The following CACNA2D2 variants were observed in gnomAD, a reference collection of about 807,000 sequenced individuals.
CACNA2D2 encodes calcium voltage-gated channel auxiliary subunit alpha2delta 2.
A neutral mutation model predicts 166.4 loss-of-function variants in CACNA2D2; 48 were observed. That is an observed-to-expected ratio of 0.29 (90% confidence interval 0.23 to 0.37). CACNA2D2 has a LOEUF of 0.37. Among genes scored for constraint, CACNA2D2 ranks in the 10% least tolerant of loss-of-function variants. CACNA2D2 has a pLI of 1.00. For synonymous variants in CACNA2D2, 561 were observed against 573.7 expected (o/e 0.98, Z 0.32); for missense variants, 1,122 against 1,433.0 (o/e 0.78, Z 3.50).
rs59167171 is a variant in CACNA2D2, at chr3:50,446,905, G to C, written c.289-12476C>G. Reference sequence around the variant, plus strand: ...GAAACCATCTTCGTTTGTAAGGTTGGAAGTCTAGGACCCTAGGCTACAGGT... The same window carrying C: ...GAAACCATCTTCGTTTGTAAGGTTGCAAGTCTAGGACCCTAGGCTACAGGT... On this transcript the variant is annotated intron_variant, in intron 2 of 37. Coordinates refer to ENST00000424201, the MANE Select transcript of CACNA2D2 (RefSeq NM_006030.4). 6.2e-3 allele frequency among the ~76,000 whole-genome samples: 943 copies of C among 152,288 alleles called. 12 individuals carry two copies. Among genetic ancestry groups the C allele is most frequent in the East Asian group, 0.049 (255 of 5,180 alleles).
chr3:50,497,060 G>C (rs563567921), intron 1 of CACNA2D2, among the ~76,000 whole-genome samples: 1 of 152,290 alleles, frequency 6.6e-6, no homozygotes, highest in South Asian at 2.1e-4. Context: ...AGGCTGATCA[G>C]AACTCAAAGG....
At chr3:50,430,353 T>C (rs554700608) in intron 3 of CACNA2D2, among the ~76,000 whole-genome samples, 2 of 152,328 alleles carry the variant, frequency 1.3e-5, no homozygotes, top group South Asian at 4.1e-4. Context: ...GCCTCTCCTC[T>C]GAGCCACACA....
chr3:50,387,522 C>G (rs1438885671), intron 5 of CACNA2D2, 46 bp downstream of exon 5: 7 of 1,561,116 alleles, frequency 4.5e-6, no homozygotes, highest in Non-Finnish European at 6.2e-6. Flanking sequence ...ACAGCCAAGG[C>G]CACCAAGGCC....
At chr3:50,490,309 A>G (rs1231664823) in intron 1 of CACNA2D2, among the ~76,000 whole-genome samples, 1 of 152,168 alleles carries the variant, frequency 6.6e-6, no homozygotes, top group Non-Finnish European at 1.5e-5. Context: ...TGGGAGCCTC[A>G]GTGCCCCCTT....
intron 2 of CACNA2D2, among the ~76,000 whole-genome samples, chr3:50,450,694 T>C (rs1041927972): frequency 1.3e-5 from 2 of 152,166 alleles, no homozygotes; most frequent in African/African-American, 4.8e-5. Context: ...GTTGGAACAC[T>C]GAGGCTGATG....
At position 50,376,282 on chromosome 3, in the gene CACNA2D2, G is replaced by A. The variant is rs587773871; in HGVS notation, c.1627-94C>T. 82 of 1,295,764 alleles carry A rather than the reference G, an allele frequency of 6.3e-5. No individual in the cohort carries two copies. The African/African-American group carries it at 1.0e-3, about 16-fold the overall frequency. 80.3% of individuals were successfully genotyped at this position (1,295,764 alleles called of 1,614,324 possible). ...TCCCTATTTGGCCTCCCACCGCACC[G>A]AGAGATTCTGTTTGCCTGCCTTGGG... is the stretch of plus-strand genomic sequence containing the variant. On this transcript the variant is annotated intron_variant, in intron 17 of 37. Coordinates refer to ENST00000424201, the MANE Select transcript of CACNA2D2 (RefSeq NM_006030.4). This position sits in a 1 kb window ranked among gnomAD's most constrained non-coding sequence, Gnocchi z 4.3.
At chr3:50,412,302 T>C (rs2106804033) in intron 3 of CACNA2D2, among the ~76,000 whole-genome samples, 1 of 152,380 alleles carries the variant, frequency 6.6e-6, no homozygotes, top group African/African-American at 2.4e-5. Context: ...CTGTGGGCCC[T>C]GCTCTGAGCC....
At chr3:50,419,407 T>C (rs1384659016) in intron 3 of CACNA2D2, among the ~76,000 whole-genome samples, 2 of 152,148 alleles carry the variant, frequency 1.3e-5, no homozygotes, top group African/African-American at 4.8e-5. Context: ...AGCCAGGACC[T>C]GACACCATGG....
chr3:50,440,268 C>G (rs1179545836), intron 2 of CACNA2D2, among the ~76,000 whole-genome samples: 2 of 152,254 alleles, frequency 1.3e-5, no homozygotes, highest in African/African-American at 4.8e-5. Flanking sequence ...ACAGGGCTTA[C>G]AGTAGGGCAA....
intron 1 of CACNA2D2, among the ~76,000 whole-genome samples, chr3:50,500,546 G>A (rs1490154830): frequency 6.6e-6 from 1 of 152,208 alleles, no homozygotes; most frequent in Non-Finnish European, 1.5e-5. Context: ...AGCAGTGAGG[G>A]CTGCCCCTCA....
Position 50,421,892 on chromosome 3 carries a change from G to C in CACNA2D2, c.405+12421C>G, listed in dbSNP as rs2236966. Among the ~76,000 whole-genome samples, 1,059 of 152,228 alleles carry C rather than the reference G, an allele frequency of 7.0e-3. 13 individuals are homozygous for C. The highest frequency in any genetic ancestry group is 0.049 in the East Asian group (253 of 5,174). On this transcript the variant is annotated intron_variant, in intron 3 of 37. Coordinates refer to ENST00000424201, the MANE Select transcript of CACNA2D2 (RefSeq NM_006030.4). The stretch of plus-strand genomic sequence containing the variant: ...AACTGCTCACTGATGCACCCCACCA[G>C]TTCACTGGCTGCCTCCTGGGGAGGT...
At chr3:50,436,685 G>T (rs184889753) in intron 2 of CACNA2D2, among the ~76,000 whole-genome samples, 2 of 152,190 alleles carry the variant, frequency 1.3e-5, no homozygotes, top group Non-Finnish European at 2.9e-5. Flanking sequence ...CTGTTGTTAC[G>T]GCTATTAGTT....
intron 1 of CACNA2D2, among the ~76,000 whole-genome samples, chr3:50,484,667 C>A (rs950108285): frequency 1.3e-5 from 2 of 152,244 alleles, no homozygotes; most frequent in African/African-American, 2.4e-5. Context: ...TTGCACCCCC[C>A]CCAGCAGCAA....
chr3:50,477,647 A>C (rs1456302725), intron 1 of CACNA2D2, among the ~76,000 whole-genome samples: 1 of 152,198 alleles, frequency 6.6e-6, no homozygotes, highest in African/African-American at 2.4e-5. Flanking sequence ...TTACAGACCA[A>C]GACCTTTCCA....
Position 50,363,311 on chromosome 3 carries a change from C to T in CACNA2D2, c.*1355G>A, listed in dbSNP as rs2109388556. ...GCAACATGACATTAATTAACGAAGC[C>T]ATTAATTAATGCATCACCCTCCCCC... On this transcript the variant is annotated 3_prime_UTR_variant, in exon 38 of 38. Transcript: ENST00000424201. 5.0e-6 allele frequency: 2 copies of T among 398,750 alleles called. No homozygotes were observed. Among genetic ancestry groups the T allele is most frequent in the East Asian group, 7.1e-5 (2 of 28,066 alleles). 24.7% of individuals were successfully genotyped at this position (398,750 alleles called of 1,614,324 possible). A position where few individuals can be genotyped will look rare whatever the true frequency, so the allele number is the denominator to read the frequency against.
At chr3:50,394,460 C>T (rs1368350077) in intron 3 of CACNA2D2, among the ~76,000 whole-genome samples, 1 of 152,228 alleles carries the variant, frequency 6.6e-6, no homozygotes, top group Non-Finnish European at 1.5e-5. Flanking sequence ...GTGTCACTCT[C>T]TACCCCCGAC....
chr3:50,373,362 T>C (rs930204155), intron 22 of CACNA2D2, among the ~76,000 whole-genome samples: 3 of 149,648 alleles, frequency 2.0e-5, no homozygotes, highest in South Asian at 4.3e-4. Context: ...CCAGCCTCCC[T>C]CCCAGTGACC....
intron 2 of CACNA2D2, among the ~76,000 whole-genome samples, chr3:50,472,195 G>A (rs962061413): frequency 2.6e-5 from 4 of 152,220 alleles, no homozygotes; most frequent in Non-Finnish European, 5.9e-5. Flanking sequence ...CAGCAGCCAG[G>A]GCCTCGGTTT....
At chr3:50,393,207 C>G (rs953050274) in intron 4 of CACNA2D2, among the ~76,000 whole-genome samples, 4 of 152,212 alleles carry the variant, frequency 2.6e-5, no homozygotes, top group African/African-American at 9.7e-5. Flanking sequence ...CTTCCTAGAG[C>G]AGATGTGCCT....
Sources: gnomAD v4.1 joint callset for allele counts (sites outside exome capture counted in the v4.1 genomes callset) on GRCh38, gnomAD v4.1.1 for gene constraint, Gnocchi (gnomAD v3.1) non-coding constraint, MANE v1.5 for transcripts, NCBI Gene and HGNC (gene_info 2026-07-23, HGNC 2026-07-21) for gene names.